The following KCTD18 variants were observed in gnomAD, a reference collection of about 807,000 sequenced individuals.
KCTD18 encodes the protein BTB/POZ domain-containing protein KCTD18.
In KCTD18, 22 loss-of-function variants were observed where a neutral mutation model predicts 30.4. The ratio of observed to expected loss-of-function variants is 0.72; its 90% CI spans 0.52 to 1.03. The LOEUF (loss-of-function observed/expected upper bound fraction) is 1.03, where lower values mean the gene tolerates loss of function less well. Among genes scored for constraint, KCTD18 ranks in the 50% least tolerant of loss-of-function variants. The pLI, the probability that KCTD18 is intolerant of heterozygous loss-of-function variation, is 0.00. For synonymous variants in KCTD18, 186 were observed against 209.0 expected (o/e 0.89, Z 0.95); for missense variants, 529 against 547.6 (o/e 0.97, Z 0.34).
chr2:200,491,343 T>TG (rs1395914785), intron 6 of KCTD18, among the ~76,000 whole-genome samples: 2 of 152,232 alleles, frequency 1.3e-5, no homozygotes, highest in Non-Finnish European at 2.9e-5. Flanking sequence ...AACCTTCTTG[T>TG]ACAGACTGCA....
At chr2:200,498,540 C>G (rs2088032593) in intron 4 of KCTD18, among the ~76,000 whole-genome samples, 1 of 152,244 alleles carries the variant, frequency 6.6e-6, no homozygotes, top group South Asian at 2.1e-4. Context: ...CTGACTTCTT[C>G]TGCCAATGCT....
At position 200,489,311 on chromosome 2, in the gene KCTD18, A is replaced by AACAC. The variant is rs1362890302; in HGVS notation, c.*788_*789insGTGT. 6.5e-6 allele frequency: 1 copy of AACAC among 152,674 alleles called. No individual in the cohort carries two copies. The highest frequency in any genetic ancestry group is 6.5e-5 in the Admixed American group (1 of 15,292). The allele number at this position is 152,674 out of a possible 1,614,324, so 9.5% of individuals were successfully genotyped here. ...GAATCTTCAGTGGTCATTTCTGAAA[A>AACAC]ACAAATACTAACTTTAGTTAAAAAG... On this transcript the variant is annotated 3_prime_UTR_variant, in exon 7 of 7. Coordinates refer to ENST00000359878, the MANE Select transcript of KCTD18 (RefSeq NM_152387.4).
intron 5 of KCTD18, 128 bp from the exon 6 acceptor site, chr2:200,493,402 A>G: frequency 1.5e-6 from 1 of 645,356 alleles, no homozygotes; most frequent in Non-Finnish European, 2.8e-6. Flanking sequence ...AGGTGTGCAC[A>G]ACATGAACAG....
At position 200,489,764 on chromosome 2, in the gene KCTD18, G is replaced by GT. The variant is rs1264005205; in HGVS notation, c.*335dup. On this transcript the variant is annotated 3_prime_UTR_variant, in exon 7 of 7. Coordinates refer to ENST00000359878, the MANE Select transcript of KCTD18 (RefSeq NM_152387.4). Reference sequence around the variant, plus strand: ...CATGCCCATCCTCGGGTTGCAACAAGTAACGTTTACTTCAGCAACAAAGTG... The same window carrying GT: ...CATGCCCATCCTCGGGTTGCAACAAGTTAACGTTTACTTCAGCAACAAAGTG... The GT allele has an allele frequency of 4.2e-6, 1 of 238,552 alleles. No homozygotes were observed. Among genetic ancestry groups the GT allele is most frequent in the Non-Finnish European group, 8.1e-6 (1 of 124,168 alleles). The allele number at this position is 238,552 out of a possible 1,614,324, so 14.8% of individuals were successfully genotyped here.
intron 5 of KCTD18, chr2:200,497,468 C>G (rs1260730386): frequency 1.7e-5 from 4 of 237,914 alleles, no homozygotes; most frequent in Non-Finnish European, 2.4e-5. Context: ...AAGTATTTTT[C>G]CAATGCACAG....
intron 3 of KCTD18, among the ~76,000 whole-genome samples, chr2:200,503,889 A>G (rs1249632046): frequency 6.6e-6 from 1 of 152,246 alleles, no homozygotes; most frequent in Admixed American, 6.5e-5. Context: ...TTAATAACAC[A>G]TATAATACTT....
rs375005554 is a variant in KCTD18 at position 200,497,733 on chromosome 2, A to T, written c.661+20T>A. ...TTTAAAGTCCACCTGCTTCCATGAA[A>T]TAAAAGAATTGCACTGTACCTTTTC... On this transcript the variant is annotated intron_variant, in intron 5 of 6. Transcript: ENST00000359878. 4 of 1,531,816 alleles carry T rather than the reference A, an allele frequency of 2.6e-6. No individual in the cohort carries two copies. Among genetic ancestry groups the T allele is most frequent in the Non-Finnish European group, 3.6e-6 (4 of 1,106,346 alleles). The allele number at this position is 1,531,816 out of a possible 1,614,324, so 94.9% of individuals were successfully genotyped here.
intron 3 of KCTD18, among the ~76,000 whole-genome samples, chr2:200,501,302 A>C (rs2088081198): frequency 1.1e-5 from 1 of 92,130 alleles, no homozygotes; most frequent in Admixed American, 1.4e-4. Context: ...AATTAAACTA[A>C]AGAGCTTCTT....
chr2:200,493,032 G>C, intron 6 of KCTD18, 140 bp downstream of exon 6: 1 of 592,364 alleles, frequency 1.7e-6, no homozygotes, highest in East Asian at 2.8e-5. Flanking sequence ...TCTATATTTT[G>C]ATGGTAAGAC....
At position 200,490,233 on chromosome 2, in the gene KCTD18, G is replaced by A. The variant is rs1480047831; in HGVS notation, c.1148C>T (p.Pro383Leu). The A allele has an allele frequency of 3.1e-6, 5 of 1,614,234 alleles. No homozygotes were observed. Among genetic ancestry groups the A allele is most frequent in the African/African-American group, 1.3e-5 (1 of 75,064 alleles). ...PQRVIKLKRTPLCATAPCLPS... is the reference protein window; with the variant it reads ...PQRVIKLKRTLLCATAPCLPS... The stretch of plus-strand genomic sequence containing the variant: ...CAGGCAAGGCGCGGTGGCGCACAGC[G>A]GAGTCCTCTTCAGCTTTATCACCCG... The change falls in exon 7 of 7, where the codon CCG (proline) becomes CTG (leucine). Residue 383 changes from proline (P) to leucine (L), a missense_variant. Pro to Leu is a moderately conservative substitution (Grantham distance 98). Coordinates refer to ENST00000359878, the MANE Select transcript of KCTD18 (RefSeq NM_152387.4).
chr2:200,497,228 T>C (rs939431578), intron 5 of KCTD18: 3 of 153,302 alleles, frequency 2.0e-5, no homozygotes, highest in African/African-American at 7.2e-5. Flanking sequence ...GAATGGTAAG[T>C]AGCGTACAGG....
chr2:200,505,038 G>A (rs888795014), intron 2 of KCTD18, 79 bp from the exon 3 acceptor site: 6 of 1,027,496 alleles, frequency 5.8e-6, no homozygotes, highest in Admixed American at 2.2e-5. Context: ...CTAGGTCTGA[G>A]GACCTCTACA....
intron 3 of KCTD18, among the ~76,000 whole-genome samples, chr2:200,504,330 G>A (rs1004763132): frequency 2.6e-5 from 4 of 151,942 alleles, no homozygotes; most frequent in Admixed American, 2.6e-4. Flanking sequence ...ATAGTGGCAG[G>A]CGCCTGTAGT....
intron 1 of KCTD18, among the ~76,000 whole-genome samples, chr2:200,507,967 C>T (rs1449393120): frequency 6.6e-6 from 1 of 152,156 alleles, no homozygotes; most frequent in Admixed American, 6.5e-5. Context: ...AGCCACCACG[C>T]CCAGCCTGAG....
chr2:200,493,220 T>C lies in KCTD18; in HGVS notation c.716A>G (p.Glu239Gly), dbSNP rs757274344. The change falls in exon 6 of 7, where the codon GAA (glutamate) becomes GGA (glycine). Residue 239 changes from glutamate (E) to glycine (G), a missense_variant. Coordinates refer to ENST00000359878, the MANE Select transcript of KCTD18 (RefSeq NM_152387.4). The stretch of plus-strand genomic sequence containing the variant: ...ACGCAGGCTTCCAAGTAAAGGCCGT[T>C]CTTCTAGAGTCCAACACTCTATCAG... The part of the protein sequence containing the change: ...HELIECWTLE[E>G]RPLLGSLRHM... 3.1e-6 allele frequency: 5 copies of C among 1,613,562 alleles called. No individual in the cohort carries two copies. In the South Asian group the frequency reaches 3.3e-5, roughly 11 times the overall value.
chr2:200,499,159 C>A, intron 3 of KCTD18, 75 bp from the exon 4 acceptor site: 1 of 1,011,002 alleles, frequency 9.9e-7, no homozygotes, highest in Non-Finnish European at 1.4e-6. Context: ...CCATTACTTT[C>A]ATGTAAAAGC....
intron 3 of KCTD18, among the ~76,000 whole-genome samples, chr2:200,501,810 T>C (rs1183386058): frequency 1.3e-5 from 2 of 151,660 alleles, no homozygotes; most frequent in Non-Finnish European, 2.9e-5. Context: ...GGATTATAAA[T>C]CATGCTGCTA....
chr2:200,499,183 G>C (rs1264871144), intron 3 of KCTD18, 99 bp from the exon 4 acceptor site: 1 of 763,262 alleles, frequency 1.3e-6, no homozygotes, highest in Non-Finnish European at 2.1e-6. Context: ...AATTCTAGTT[G>C]ATCATAAGGG....
Position 200,490,005 on chromosome 2 carries a change from T to TC in KCTD18, c.*94dup. The TC allele has an allele frequency of 7.8e-7, 1 of 1,288,184 alleles. No homozygotes were observed. 79.8% of individuals were successfully genotyped at this position (1,288,184 alleles called of 1,614,324 possible). ...AGAATCCTCAACATAAACCTAAGCT[T>TC]CCCCTCTGCTGCATTAAGAAAGTGT... On this transcript the variant is annotated 3_prime_UTR_variant, in exon 7 of 7. Coordinates refer to ENST00000359878, the MANE Select transcript of KCTD18 (RefSeq NM_152387.4).
Sources: allele counts gnomAD v4.1 joint callset (sites outside exome capture counted in the v4.1 genomes callset), GRCh38; gene constraint gnomAD v4.1.1; transcripts MANE v1.5; gene names NCBI Gene and HGNC (gene_info 2026-07-23, HGNC 2026-07-21).